Variants in RIC8B observed in about 807,000 individuals in gnomAD.
RIC8B encodes the protein chaperone Ric-8B.
A neutral mutation model predicts 57.5 loss-of-function variants in RIC8B; 16 were observed. That is an observed-to-expected ratio of 0.28 (90% CI 0.19 to 0.42). The LOEUF (loss-of-function observed/expected upper bound fraction) is 0.42, where lower values mean the gene tolerates loss of function less well. Among genes scored for constraint, RIC8B ranks in the 10% least tolerant of loss-of-function variants. The pLI, the probability that RIC8B is intolerant of heterozygous loss-of-function variation, is 1.00. For synonymous variants in RIC8B, 216 were observed against 250.8 expected (o/e 0.86, Z 1.31); for missense variants, 481 against 677.0 (o/e 0.71, Z 3.21).
intron 1 of RIC8B, among the ~76,000 whole-genome samples, chr12:106,775,884 A>G (rs1042371680): frequency 6.6e-6 from 1 of 152,134 alleles, no homozygotes; most frequent in East Asian, 1.9e-4. Flanking sequence ...GCCCCCGTAC[A>G]TCGTCTCCCC....
Position 106,879,280 on chromosome 12 carries a change from C to T in RIC8B, c.1572-6624C>T, listed in dbSNP as rs1950812449. ...CATGTGCTGTGGGCAAGAGTATTCT[C>T]TTGCTTTCAGGTCAAGTAAAGTGTT... is the stretch of plus-strand genomic sequence containing the variant. On this transcript the variant is annotated intron_variant, in intron 9 of 9. Coordinates refer to ENST00000392837, the MANE Select transcript of RIC8B (RefSeq NM_001330145.2). This position sits in a 1 kb window ranked among gnomAD's most constrained non-coding sequence, Gnocchi z 4.9. 2.0e-6 allele frequency: 2 copies of T among 985,220 alleles called. No homozygotes were observed. Among genetic ancestry groups the T allele is most frequent in the Non-Finnish European group, 2.4e-6 (2 of 829,908 alleles). The allele number at this position is 985,220 out of a possible 1,614,324, so 61.0% of individuals were successfully genotyped here. A position where few individuals can be genotyped will look rare whatever the true frequency, so the allele number is the denominator to read the frequency against.
At chr12:106,860,529 T>A in intron 8 of RIC8B, 117 bp downstream of exon 8, 2 of 853,466 alleles carry the variant, frequency 2.3e-6, no homozygotes, top group Non-Finnish European at 3.3e-6. Context: ...ACTTTCCATT[T>A]AATGGTGTTT....
At chr12:106,779,141 G>A (rs941505064) in intron 1 of RIC8B, among the ~76,000 whole-genome samples, 1 of 152,102 alleles carries the variant, frequency 6.6e-6, no homozygotes, top group East Asian at 1.9e-4. Flanking sequence ...TCGAATTTCC[G>A]ACCTCAGGTG....
In RIC8B at chr12:106,833,043, A is replaced by T. The variant is rs1356791344; in HGVS notation, c.836+7223A>T. ...TTATCGGATCTTTGTCACCTCAGAGATATGACCCTGTTTCTTCCCTTCCAT... is the reference window on the plus strand; with the variant it reads ...TTATCGGATCTTTGTCACCTCAGAGTTATGACCCTGTTTCTTCCCTTCCAT... On this transcript the variant is annotated intron_variant, in intron 4 of 9. Transcript: ENST00000392837. Among the ~76,000 whole-genome samples, 6 of 152,200 alleles carry T rather than the reference A, an allele frequency of 3.9e-5. No individual in the cohort carries two copies. The South Asian group carries it at 6.2e-4, about 16-fold the overall frequency.
chr12:106,805,933 GT>G lies in RIC8B; in HGVS notation c.133-8756del, dbSNP rs145449143. Among the ~76,000 whole-genome samples, 594 of 152,046 alleles carry G rather than the reference GT, an allele frequency of 3.9e-3. 8 individuals are homozygous for G. Among genetic ancestry groups the G allele is most frequent in the African/African-American group, 0.014 (573 of 41,488 alleles). ...ACCTCCCAGTTACTCTTCAGAAACTGTTTTTTTGTGTTTGGTTTTTTTCTTT... is the reference window on the plus strand; with the variant it reads ...ACCTCCCAGTTACTCTTCAGAAACTGTTTTTTGTGTTTGGTTTTTTTCTTT... On this transcript the variant is annotated intron_variant, in intron 2 of 9. Coordinates refer to ENST00000392837, the MANE Select transcript of RIC8B (RefSeq NM_001330145.2).
At chr12:106,824,052 C>T (rs1353183382) in intron 3 of RIC8B, among the ~76,000 whole-genome samples, 3 of 152,178 alleles carry the variant, frequency 2.0e-5, no homozygotes, top group African/African-American at 7.2e-5. Flanking sequence ...CATTCCAACC[C>T]TTCCAGTCTC....
chr12:106,843,813 C>G (rs768495370), intron 5 of RIC8B, 39 bp from the exon 6 acceptor site: 2 of 1,420,016 alleles, frequency 1.4e-6, no homozygotes, highest in Non-Finnish European at 1.9e-6. Context: ...AGAAACAAAA[C>G]TAACGTATTT....
intron 4 of RIC8B, among the ~76,000 whole-genome samples, chr12:106,829,707 C>T (rs2046272001): frequency 6.6e-6 from 1 of 152,116 alleles, no homozygotes; most frequent in Admixed American, 6.5e-5. Context: ...AATGTGCAAC[C>T]ATCACCACCA....
At chr12:106,874,607 G>C in intron 9 of RIC8B, 1 of 1,421,360 alleles carries the variant, frequency 7.0e-7, no homozygotes, top group Non-Finnish European at 9.7e-7. Flanking sequence ...CTGGTGTAGG[G>C]TATAGATGTT....
At chr12:106,849,417 C>G (rs1006228447) in intron 6 of RIC8B, among the ~76,000 whole-genome samples, 1 of 149,040 alleles carries the variant, frequency 6.7e-6, no homozygotes, top group Non-Finnish European at 1.5e-5. Context: ...TCTTCCAAAG[C>G]GCTGGGATTA....
At chr12:106,877,361 T>A (rs1950714007) in intron 9 of RIC8B, among the ~76,000 whole-genome samples, 1 of 152,134 alleles carries the variant, frequency 6.6e-6, no homozygotes, top group Non-Finnish European at 1.5e-5. Context: ...AAAAGTTGTC[T>A]GATTATTTTT....
At chr12:106,854,970 A>G (rs1311031235) in intron 7 of RIC8B, among the ~76,000 whole-genome samples, 3 of 152,202 alleles carry the variant, frequency 2.0e-5, no homozygotes, top group Non-Finnish European at 4.4e-5. Flanking sequence ...GAGCCTGAAC[A>G]TGACTATTTT....
intron 2 of RIC8B, among the ~76,000 whole-genome samples, chr12:106,785,813 C>CTCTCTCTGTG (rs1376526047): frequency 8.1e-6 from 1 of 123,852 alleles, no homozygotes; most frequent in African/African-American, 3.1e-5. Flanking sequence ...CTCTCTCTCT[C>CTCTCTCTGTG]TGTGTGTGTG....
intron 2 of RIC8B, among the ~76,000 whole-genome samples, chr12:106,788,483 T>A: frequency 6.6e-6 from 1 of 152,172 alleles, no homozygotes; most frequent in East Asian, 1.9e-4. Flanking sequence ...CTAGCAGAGG[T>A]TCTCCATGAG....
At chr12:106,814,591 C>G in intron 2 of RIC8B, 105 bp from the exon 3 acceptor site, 1 of 1,197,572 alleles carries the variant, frequency 8.4e-7, no homozygotes, top group Non-Finnish European at 1.2e-6. Flanking sequence ...AAAACCTTTT[C>G]TCTCTGGATT....
chr12:106,879,104 C>T lies in RIC8B; in HGVS notation c.1572-6800C>T, dbSNP rs1430449307. 6.1e-6 allele frequency: 6 copies of T among 985,678 alleles called. No individual in the cohort carries two copies. Among genetic ancestry groups the T allele is most frequent in the Non-Finnish European group, 4.8e-6 (4 of 829,896 alleles). The allele number at this position is 985,678 out of a possible 1,614,324, so 61.1% of individuals were successfully genotyped here. A position where few individuals can be genotyped will look rare whatever the true frequency, so the allele number is the denominator to read the frequency against. ...AGTCGTTATCAAGCTAAGTGGCAAG[C>T]GGGAAGCTGAAACTCGTATAGGTAA... On this transcript the variant is annotated intron_variant, in intron 9 of 9. Coordinates refer to ENST00000392837, the MANE Select transcript of RIC8B (RefSeq NM_001330145.2). This position sits in a 1 kb window ranked among gnomAD's most constrained non-coding sequence, Gnocchi z 4.9.
At chr12:106,870,306 A>G (rs1215580082) in intron 8 of RIC8B, among the ~76,000 whole-genome samples, 1 of 152,160 alleles carries the variant, frequency 6.6e-6, no homozygotes, top group Non-Finnish European at 1.5e-5. Flanking sequence ...TTTATTATTT[A>G]AACACTCATT....
chr12:106,853,633 T>G (rs1949587043), intron 7 of RIC8B, among the ~76,000 whole-genome samples: 1 of 151,800 alleles, frequency 6.6e-6, no homozygotes, highest in Admixed American at 6.6e-5. Flanking sequence ...CATGCCTGGC[T>G]AATTTTTGTA....
In RIC8B at chr12:106,842,744, C is replaced by T. The variant is rs1566120954; in HGVS notation, c.992C>T (p.Thr331Ile). The change falls in exon 5 of 10, where the codon ACC becomes ATC. Residue 331 changes from threonine (T) to isoleucine (I), a missense_variant. Physicochemically the swap from Thr to Ile is moderately conservative, Grantham distance 89. Coordinates refer to ENST00000392837, the MANE Select transcript of RIC8B (RefSeq NM_001330145.2). ...AAAGAAACAGTTTTGAAAAACAATA[C>T]CATGGTATACAATGGTATGAATATG... ...AEKETVLKNN[T>I]MVYNGMNMEA... The T allele has an allele frequency of 6.2e-7, 1 of 1,613,632 alleles. No individual in the cohort carries two copies. The highest frequency in any genetic ancestry group is 8.5e-7 in the Non-Finnish European group (1 of 1,179,706).
Sources: gnomAD v4.1 joint callset for allele counts (sites outside exome capture counted in the v4.1 genomes callset) on GRCh38, gnomAD v4.1.1 for gene constraint, Gnocchi (gnomAD v3.1) non-coding constraint, MANE v1.5 for transcripts, NCBI Gene and HGNC (gene_info 2026-07-23, HGNC 2026-07-21) for gene names.